The following PCDH9 variants were observed in gnomAD, a reference collection of about 807,000 sequenced individuals.
The protein encoded by PCDH9 is protocadherin-9.
Under a neutral mutation model 70.6 loss-of-function variants are expected in PCDH9, and 24 were observed. The ratio of observed to expected loss-of-function variants is 0.34; its 90% CI spans 0.25 to 0.48. The LOEUF is 0.48. Ranked by LOEUF, PCDH9 falls within the 20% of genes least tolerant of loss-of-function variation. PCDH9 has a pLI of 0.99. For synonymous variants in PCDH9, 562 were observed against 558.5 expected, an observed-to-expected ratio of 1.01 and a Z score of -0.09; for missense variants, 1,281 against 1,503.6, an observed-to-expected ratio of 0.85 and a Z score of 2.45.
At chr13:67,183,724 A>C (rs1171350519) in intron 2 of PCDH9, among the ~76,000 whole-genome samples, 1 of 152,172 alleles carries the variant, frequency 6.6e-6, no homozygotes, top group Non-Finnish European at 1.5e-5. Context: ...TAAAATAATA[A>C]TTTAAGAAAA....
chr13:66,402,085 T>G (rs1957198290), intron 4 of PCDH9, among the ~76,000 whole-genome samples: 1 of 152,162 alleles, frequency 6.6e-6, no homozygotes. Context: ...AATCTTTCTT[T>G]CTGCTTGAAA....
At chr13:66,803,430 C>T (rs2080357943) in intron 3 of PCDH9, among the ~76,000 whole-genome samples, 1 of 152,154 alleles carries the variant, frequency 6.6e-6, no homozygotes, top group Non-Finnish European at 1.5e-5. Context: ...ATGTACTATT[C>T]TGGACACCAA....
chr13:66,919,958 T>C (rs923328387), intron 2 of PCDH9, among the ~76,000 whole-genome samples: 1 of 150,986 alleles, frequency 6.6e-6, no homozygotes, highest in African/African-American at 2.4e-5. Context: ...AGGGTAATGT[T>C]TTTTTTAACA....
intron 4 of PCDH9, among the ~76,000 whole-genome samples, chr13:66,445,582 T>C (rs1256770625): frequency 7.0e-6 from 1 of 143,690 alleles, no homozygotes; most frequent in African/African-American, 2.5e-5. Flanking sequence ...ATATTATATA[T>C]ACACATATAT....
At chr13:66,589,425 C>G (rs1047447078) in intron 4 of PCDH9, among the ~76,000 whole-genome samples, 1 of 152,080 alleles carries the variant, frequency 6.6e-6, no homozygotes, top group Admixed American at 6.6e-5. Context: ...TCTGATCATT[C>G]TATTTTATAT....
chr13:66,552,163 G>A (rs1961516619), intron 4 of PCDH9, among the ~76,000 whole-genome samples: 1 of 152,018 alleles, frequency 6.6e-6, no homozygotes, highest in Non-Finnish European at 1.5e-5. Flanking sequence ...CTCTTACATA[G>A]TCTATGGCAA....
At chr13:66,374,508 C>G (rs144356032) in intron 4 of PCDH9, among the ~76,000 whole-genome samples, 2 of 151,726 alleles carry the variant, frequency 1.3e-5, no homozygotes, top group Non-Finnish European at 2.9e-5. Flanking sequence ...GTACTCTACA[C>G]GTTATTTAAT....
intron 2 of PCDH9, among the ~76,000 whole-genome samples, chr13:67,130,284 G>A (rs2087080679): frequency 1.3e-5 from 2 of 152,026 alleles, no homozygotes; most frequent in Middle Eastern, 3.4e-3. Context: ...AAAACACATC[G>A]AATATGAATA....
At chr13:67,009,208 T>G (rs2084408928) in intron 2 of PCDH9, among the ~76,000 whole-genome samples, 2 of 152,048 alleles carry the variant, frequency 1.3e-5, no homozygotes, top group Admixed American at 6.6e-5. Context: ...CTCTAGAATT[T>G]GCCTTCCCAA....
At chr13:66,468,217 A>T (rs1219165551) in intron 4 of PCDH9, among the ~76,000 whole-genome samples, 1 of 152,038 alleles carries the variant, frequency 6.6e-6, no homozygotes, top group African/African-American at 2.4e-5. Context: ...GTGAAGGCCA[A>T]AAACCTTCAA....
chr13:66,604,536 C>G (rs2077199437), intron 4 of PCDH9, among the ~76,000 whole-genome samples: 1 of 151,848 alleles, frequency 6.6e-6, no homozygotes, highest in Non-Finnish European at 1.5e-5. Flanking sequence ...TTTTTTCCAT[C>G]CAAAATTAGC....
In PCDH9 at chr13:66,561,681, G is replaced by A. The variant is rs536503627; in HGVS notation, c.3340+69529C>T. 4.3e-4 allele frequency among the ~76,000 whole-genome samples: 66 copies of A among 152,052 alleles called. 1 individual carries two copies. The highest frequency in any genetic ancestry group is 8.4e-4 in the Non-Finnish European group (57 of 68,010). ...TGGGCACTTGGAGAACCTTTGTGTTGACACTCTGTATCTAGCTAATCTAGT... is the reference window on the plus strand; with the variant it reads ...TGGGCACTTGGAGAACCTTTGTGTTAACACTCTGTATCTAGCTAATCTAGT... On this transcript the variant is annotated intron_variant, in intron 4 of 4. Transcript: ENST00000377865.
At chr13:66,620,668 C>A (rs1383528934) in intron 4 of PCDH9, among the ~76,000 whole-genome samples, 3 of 151,794 alleles carry the variant, frequency 2.0e-5, no homozygotes, top group Non-Finnish European at 4.4e-5. Flanking sequence ...GTATCTAGTA[C>A]TTTCTCTCCT....
chr13:66,609,289 T>C (rs2077261734), intron 4 of PCDH9, among the ~76,000 whole-genome samples: 1 of 152,172 alleles, frequency 6.6e-6, no homozygotes, highest in African/African-American at 2.4e-5. Flanking sequence ...AATTGATTTA[T>C]GTATCAACAG....
chr13:66,804,935 A>G (rs1218468578), intron 3 of PCDH9, among the ~76,000 whole-genome samples: 2 of 152,174 alleles, frequency 1.3e-5, no homozygotes, highest in African/African-American at 4.8e-5. Flanking sequence ...AATTGGGAAT[A>G]TATAGTCAAC....
intron 4 of PCDH9, among the ~76,000 whole-genome samples, chr13:66,312,352 A>G (rs1270099059): frequency 2.0e-5 from 3 of 152,210 alleles, no homozygotes; most frequent in African/African-American, 7.2e-5. Context: ...AAATCAATCT[A>G]TTGTTCAGAT....
intron 3 of PCDH9, among the ~76,000 whole-genome samples, chr13:66,811,546 A>C (rs1449009612): frequency 1.3e-5 from 2 of 152,012 alleles, no homozygotes; most frequent in East Asian, 3.9e-4. Flanking sequence ...ACTGGCAGTC[A>C]ATTTCAAGTT....
intron 2 of PCDH9, among the ~76,000 whole-genome samples, chr13:67,196,529 G>A (rs184845771): frequency 3.9e-5 from 6 of 152,178 alleles, no homozygotes; most frequent in African/African-American, 1.2e-4. Flanking sequence ...TCATGAGTTA[G>A]AGAAAACTAC....
chr13:67,161,613 T>G (rs1257116390), intron 2 of PCDH9, among the ~76,000 whole-genome samples: 1 of 152,190 alleles, frequency 6.6e-6, no homozygotes, highest in East Asian at 1.9e-4. Flanking sequence ...TAGACTCACA[T>G]GCAGATCTAT....
Sources: gnomAD v4.1 joint callset for allele counts (sites outside exome capture counted in the v4.1 genomes callset) on GRCh38, gnomAD v4.1.1 for gene constraint, MANE v1.5 for transcripts, NCBI Gene and HGNC (gene_info 2026-07-23, HGNC 2026-07-21) for gene names.